RANBP2: variants seen among roughly 807,000 people sequenced by gnomAD.
The protein encoded by RANBP2 is RAN binding protein 2.
RANBP2 carries 57 observed loss-of-function variants against 303.6 expected under a neutral mutation model. The ratio of observed to expected loss-of-function variants is 0.19; its 90% CI spans 0.15 to 0.23. RANBP2 has a LOEUF of 0.23. Among genes scored for constraint, RANBP2 ranks in the 10% least tolerant of loss-of-function variants. The probability of loss-of-function intolerance (pLI) is 1.00; values close to 1 mark genes in which losing one functional copy is unlikely to be tolerated. For synonymous variants in RANBP2, 1,167 were observed against 1,301.5 expected (o/e 0.90, Z 2.23); for missense variants, 3,138 against 3,780.8 (o/e 0.83, Z 4.46).
At chr2:109,145,758 C>T in the RANBP2 span, among the ~76,000 whole-genome samples, 11 of 152,268 alleles carry the variant, frequency 7.2e-5, no homozygotes, top group South Asian at 1.0e-3. Flanking sequence ...TGTGAAAGGG[C>T]GGGAACCCAG....
At chr2:109,371,694 C>T in the RANBP2 span, 35 of 1,610,466 alleles carry the variant, frequency 2.2e-5, no homozygotes, top group South Asian at 1.8e-4. Context: ...AAGACCGTGC[C>T]GCCCTCCCAC....
the RANBP2 span, among the ~76,000 whole-genome samples, chr2:108,880,678 G>A: frequency 6.6e-6 from 1 of 152,202 alleles, no homozygotes; most frequent in Admixed American, 6.5e-5. Flanking sequence ...ACAAAGCCTG[G>A]ATGACAGCAC....
the RANBP2 span, among the ~76,000 whole-genome samples, chr2:109,197,934 G>A: frequency 6.6e-6 from 1 of 152,254 alleles, no homozygotes; most frequent in Non-Finnish European, 1.5e-5. Context: ...CCCTTGGGCA[G>A]CCTTGGTTAT....
the RANBP2 span, among the ~76,000 whole-genome samples, chr2:109,025,977 T>A: frequency 6.6e-6 from 1 of 151,816 alleles, no homozygotes; most frequent in African/African-American, 2.4e-5. Context: ...TTGTTAGTAG[T>A]CCCCTTCATC....
chr2:108,736,044 A>G (rs1558881611), intron 5 of RANBP2, 60 bp from the exon 6 acceptor site: 1 of 1,611,552 alleles, frequency 6.2e-7, no homozygotes, highest in South Asian at 1.1e-5. Context: ...TAGGCTTAAA[A>G]TGATTAATTT....
At position 108,764,192 on chromosome 2, in the gene RANBP2, A is replaced by G. The variant is rs146109021; in HGVS notation, c.3653A>G (p.Asn1218Ser). The G allele has an allele frequency of 2.7e-5, 43 of 1,614,096 alleles. No homozygotes were observed. The African/African-American group carries it at 3.9e-4, about 15-fold the overall frequency. Residue 1218 changes from asparagine to serine, a missense_variant, in exon 20 of 29, where the codon AAT (asparagine) becomes AGT (serine). By Grantham distance (46) the Asn-to-Ser change is conservative. Around this residue, in one of 20 missense-constraint regions of RANBP2, gnomAD observed 72 missense variants for 119.5 expected, o/e 0.60. Transcript: ENST00000283195. Reference sequence around the variant, plus strand: ...GAATGGAAAGAACGTGGGATTGGCAATGTAAAAATACTGAGGCATAAAACA... The same window carrying G: ...GAATGGAAAGAACGTGGGATTGGCAGTGTAAAAATACTGAGGCATAAAACA... ...SKEWKERGIGNVKILRHKTSG... is the reference protein window; with the variant it reads ...SKEWKERGIGSVKILRHKTSG...
At chr2:109,125,620 A>G in the RANBP2 span, among the ~76,000 whole-genome samples, 1 of 152,230 alleles carries the variant, frequency 6.6e-6, no homozygotes, top group Non-Finnish European at 1.5e-5. Context: ...GCATCCGAAG[A>G]TTTCGTTACT....
the RANBP2 span, among the ~76,000 whole-genome samples, chr2:109,303,259 T>C: frequency 6.6e-6 from 1 of 152,290 alleles, no homozygotes; most frequent in Non-Finnish European, 1.5e-5. Context: ...GAGGACCACC[T>C]CCCTCACATA....
the RANBP2 span, among the ~76,000 whole-genome samples, chr2:109,504,937 C>T: frequency 6.6e-6 from 1 of 152,210 alleles, no homozygotes; most frequent in Non-Finnish European, 1.5e-5. Context: ...GTCTCCAGTT[C>T]CCCTCTAGGG....
chr2:109,015,260 G>C, the RANBP2 span, among the ~76,000 whole-genome samples: 3 of 151,110 alleles, frequency 2.0e-5, no homozygotes, highest in African/African-American at 7.3e-5. Flanking sequence ...CTAACAAGTG[G>C]ATTTTCTTCC....
the RANBP2 span, among the ~76,000 whole-genome samples, chr2:108,990,287 C>T: frequency 4.0e-5 from 6 of 151,608 alleles, no homozygotes; most frequent in East Asian, 1.9e-4. Flanking sequence ...AAAAATTAGC[C>T]GGGCGTGGTG....
the RANBP2 span, among the ~76,000 whole-genome samples, chr2:109,369,203 C>A: frequency 6.6e-6 from 1 of 151,346 alleles, no homozygotes; most frequent in East Asian, 1.9e-4. Flanking sequence ...AAAAAATTAG[C>A]CGGGAGTGGT....
chr2:109,369,935 G>T, the RANBP2 span, among the ~76,000 whole-genome samples: 4 of 152,326 alleles, frequency 2.6e-5, no homozygotes, highest in South Asian at 8.3e-4. Flanking sequence ...TTGGAAAGGC[G>T]GGTGGTGCAC....
At chr2:108,913,812 T>C in the RANBP2 span, among the ~76,000 whole-genome samples, 8 of 151,594 alleles carry the variant, frequency 5.3e-5, no homozygotes, top group South Asian at 2.1e-4. Flanking sequence ...TAGCCGGGCG[T>C]GGTGGCAGGC....
the RANBP2 span, among the ~76,000 whole-genome samples, chr2:109,456,361 C>T: frequency 1.3e-5 from 2 of 152,228 alleles, no homozygotes; most frequent in Non-Finnish European, 2.9e-5. Flanking sequence ...TGAAAATGAA[C>T]CCATCCTGAA....
At chr2:108,912,628 T>A in the RANBP2 span, 11 of 1,504,818 alleles carry the variant, frequency 7.3e-6, no homozygotes, top group African/African-American at 1.4e-5. Context: ...TGAGCTTTCA[T>A]CCGAGTACCA....
At chr2:109,053,593 C>T in the RANBP2 span, among the ~76,000 whole-genome samples, 1 of 152,202 alleles carries the variant, frequency 6.6e-6, no homozygotes, top group East Asian at 1.9e-4. Flanking sequence ...TGGAGACTGG[C>T]TGGTGATGAG....
chr2:109,355,558 G>T, the RANBP2 span, among the ~76,000 whole-genome samples: 1 of 152,188 alleles, frequency 6.6e-6, no homozygotes, highest in Non-Finnish European at 1.5e-5. Context: ...TCTAGAAAAC[G>T]TTCCTGACCT....
chr2:109,594,352 G>A, the RANBP2 span, among the ~76,000 whole-genome samples: 1 of 152,124 alleles, frequency 6.6e-6, no homozygotes, highest in Admixed American at 6.5e-5. Context: ...TAATAGCTCA[G>A]CGCTCTTCCC....
Sources: allele counts gnomAD v4.1 joint callset (sites outside exome capture counted in the v4.1 genomes callset), GRCh38; gene constraint gnomAD v4.1.1; regional missense constraint gnomAD v4.1.1; transcripts MANE v1.5; gene names NCBI Gene and HGNC (gene_info 2026-07-23, HGNC 2026-07-21).